Variants in SPMIP2 observed in about 807,000 individuals in gnomAD.
SPMIP2 encodes the protein sperm microtubule inner protein 2.
the SPMIP2 span, among the ~76,000 whole-genome samples, chr4:158,980,374 T>C: frequency 6.6e-6 from 1 of 152,272 alleles, no homozygotes; most frequent in South Asian, 2.1e-4. Context: ...AACTGCCTCC[T>C]CAACTGGGTC....
At chr4:159,082,186 A>G in the SPMIP2 span, among the ~76,000 whole-genome samples, 1 of 146,188 alleles carries the variant, frequency 6.8e-6, no homozygotes, top group African/African-American at 2.5e-5. Flanking sequence ...AAAAAAAATT[A>G]GGTGGGCGTG....
chr4:158,970,722 T>C, the SPMIP2 span, among the ~76,000 whole-genome samples: 1 of 150,696 alleles, frequency 6.6e-6, no homozygotes. Context: ...TCTTTTTTTT[T>C]TCCTATTCTA....
At chr4:159,039,280 G>A in the SPMIP2 span, among the ~76,000 whole-genome samples, 4 of 152,198 alleles carry the variant, frequency 2.6e-5, no homozygotes, top group African/African-American at 9.6e-5. Flanking sequence ...TTGGTGTTGG[G>A]TTTAAATAGA....
the SPMIP2 span, among the ~76,000 whole-genome samples, chr4:158,975,036 T>C: frequency 6.6e-6 from 1 of 152,250 alleles, no homozygotes; most frequent in African/African-American, 2.4e-5. Context: ...GTGGTTTTGA[T>C]TTTCATTTCT....
At chr4:159,004,143 A>T in the SPMIP2 span, among the ~76,000 whole-genome samples, 1 of 151,880 alleles carries the variant, frequency 6.6e-6, no homozygotes, top group Admixed American at 6.6e-5. Flanking sequence ...CTGCCTCCCA[A>T]GTAGCTGGGA....
At chr4:158,931,590 C>T in the SPMIP2 span, among the ~76,000 whole-genome samples, 3 of 151,786 alleles carry the variant, frequency 2.0e-5, no homozygotes, top group Non-Finnish European at 4.4e-5. Context: ...ATTATTGAGA[C>T]AGGGTCTGGC....
At chr4:159,002,944 T>G in the SPMIP2 span, among the ~76,000 whole-genome samples, 2 of 152,334 alleles carry the variant, frequency 1.3e-5, no homozygotes. Context: ...ATCACTTCCA[T>G]ATATTCAGTC....
the SPMIP2 span, among the ~76,000 whole-genome samples, chr4:158,934,466 A>C: frequency 1.3e-5 from 2 of 150,536 alleles, no homozygotes; most frequent in South Asian, 4.1e-4. Context: ...AGTCTCAAAA[A>C]TAAAATAAAA....
At chr4:159,070,132 C>A in the SPMIP2 span, among the ~76,000 whole-genome samples, 4 of 152,030 alleles carry the variant, frequency 2.6e-5, no homozygotes, top group Non-Finnish European at 5.9e-5. Context: ...CACCCTGCCC[C>A]TAACTTGAAT....
At chr4:158,914,967 T>C in the SPMIP2 span, among the ~76,000 whole-genome samples, 1 of 152,216 alleles carries the variant, frequency 6.6e-6, no homozygotes, top group Non-Finnish European at 1.5e-5. Flanking sequence ...TTGTTTTCTT[T>C]AACTATAAAA....
chr4:159,072,148 T>A, the SPMIP2 span, among the ~76,000 whole-genome samples: 1 of 152,094 alleles, frequency 6.6e-6, no homozygotes, highest in Non-Finnish European at 1.5e-5. Context: ...GCCCCCGCTA[T>A]ACAAAAAATA....
the SPMIP2 span, among the ~76,000 whole-genome samples, chr4:158,950,542 T>C: frequency 7.9e-3 from 1,197 of 152,280 alleles, 9 homozygotes; most frequent in Non-Finnish European, 0.012. Context: ...AGCAAAACAC[T>C]GCCTGCTGCA....
At chr4:159,040,318 CG>C in the SPMIP2 span, among the ~76,000 whole-genome samples, 62 of 150,604 alleles carry the variant, frequency 4.1e-4, no homozygotes, top group African/African-American at 1.4e-3. Context: ...ATTACAGGCA[CG>C]TGCCACCATA....
the SPMIP2 span, among the ~76,000 whole-genome samples, chr4:159,016,623 C>A: frequency 6.6e-6 from 1 of 152,034 alleles, no homozygotes; most frequent in African/African-American, 2.4e-5. Flanking sequence ...ATTTTTCAAC[C>A]TTTTCTTTGG....
the SPMIP2 span, among the ~76,000 whole-genome samples, chr4:158,910,772 A>C: frequency 6.6e-6 from 1 of 152,190 alleles, no homozygotes; most frequent in Admixed American, 6.5e-5. Flanking sequence ...AGTTTCTCCC[A>C]GGGTCTCCAT....
At chr4:159,074,587 A>G in the SPMIP2 span, among the ~76,000 whole-genome samples, 3 of 152,152 alleles carry the variant, frequency 2.0e-5, no homozygotes, top group Non-Finnish European at 4.4e-5. Flanking sequence ...CACCTTGTGA[A>G]GTTATCCTTA....
the SPMIP2 span, among the ~76,000 whole-genome samples, chr4:159,056,430 G>A: frequency 6.6e-6 from 1 of 152,052 alleles, no homozygotes; most frequent in African/African-American, 2.4e-5. Context: ...AAAAATAAAG[G>A]CAGAGGAGGG....
At chr4:159,026,297 A>G in the SPMIP2 span, 1 of 586,866 alleles carries the variant, frequency 1.7e-6, no homozygotes, top group Non-Finnish European at 3.3e-6. Context: ...CAGAGCACTT[A>G]GAAAACAGCA....
the SPMIP2 span, among the ~76,000 whole-genome samples, chr4:158,967,233 A>C: frequency 6.6e-6 from 1 of 152,224 alleles, no homozygotes; most frequent in Non-Finnish European, 1.5e-5. Flanking sequence ...AGAAAATGTA[A>C]CATCTGTATA....
Sources: allele counts gnomAD v4.1 joint callset (sites outside exome capture counted in the v4.1 genomes callset), GRCh38; gene constraint gnomAD v4.1.1; transcripts MANE v1.5; gene names NCBI Gene and HGNC (gene_info 2026-07-23, HGNC 2026-07-21).